The following PKN2 variants were observed in gnomAD, a reference collection of about 807,000 sequenced individuals.
The protein encoded by PKN2 is serine/threonine-protein kinase N2.
A neutral mutation model predicts 119.1 loss-of-function variants in PKN2; 38 were observed. The observed-to-expected ratio is 0.32, with a 90% CI of 0.25 to 0.42. The LOEUF (loss-of-function observed/expected upper bound fraction) is 0.42, where lower values mean the gene tolerates loss of function less well. PKN2 is among the 10% of genes least tolerant of loss of function. The probability of loss-of-function intolerance (pLI) is 1.00; values close to 1 mark genes in which losing one functional copy is unlikely to be tolerated. For synonymous variants in PKN2, 390 were observed against 384.9 expected, an observed-to-expected ratio of 1.01 and a Z score of -0.15; for missense variants, 850 against 1,165.1, an observed-to-expected ratio of 0.73 and a Z score of 3.94.
intron 6 of PKN2, among the ~76,000 whole-genome samples, chr1:88,780,310 A>G (rs1199818998): frequency 6.6e-6 from 1 of 152,204 alleles, no homozygotes; most frequent in Non-Finnish European, 1.5e-5. Context: ...TGTTTAATCA[A>G]CAAAACTATA....
At chr1:88,704,826 C>T (rs988169765) in intron 1 of PKN2, among the ~76,000 whole-genome samples, 1 of 149,622 alleles carries the variant, frequency 6.7e-6, no homozygotes, top group East Asian at 2.0e-4. Flanking sequence ...TACATTCTTA[C>T]CAATACTTGG....
chr1:88,809,143 C>CT (rs915837782), intron 15 of PKN2, among the ~76,000 whole-genome samples: 4 of 152,034 alleles, frequency 2.6e-5, no homozygotes, highest in African/African-American at 9.7e-5. Context: ...TTTTTCACCT[C>CT]TGTTTCTTTT....
At chr1:88,809,512 G>A (rs181498902) in intron 15 of PKN2, among the ~76,000 whole-genome samples, 8 of 152,236 alleles carry the variant, frequency 5.3e-5, no homozygotes, top group South Asian at 4.1e-4. Flanking sequence ...ACCTTGTTAC[G>A]TCTTTGTGCT....
At chr1:88,743,383 C>T (rs1378594771) in intron 2 of PKN2, among the ~76,000 whole-genome samples, 2 of 152,108 alleles carry the variant, frequency 1.3e-5, no homozygotes, top group Admixed American at 6.5e-5. Flanking sequence ...CCAACCCTGG[C>T]CATAGGAACC....
Position 88,684,612 on chromosome 1 carries a change from T to G in PKN2, c.32T>G (p.Leu11Arg). 1 of 1,565,020 alleles carries G rather than the reference T, an allele frequency of 6.4e-7. No homozygotes were observed. The highest frequency in any genetic ancestry group is 8.6e-7 in the Non-Finnish European group (1 of 1,156,118). MASNPERGEI[L>R]LTELQGDSRS... Reference sequence around the variant, plus strand: ...TCCAACCCCGAACGGGGGGAGATTCTGCTCACGGAACTGCAGGTAAGGGCC... The same window carrying G: ...TCCAACCCCGAACGGGGGGAGATTCGGCTCACGGAACTGCAGGTAAGGGCC... Residue 11 changes from leucine to arginine, a missense_variant, in exon 1 of 22, where the codon CTG becomes CGG. Coordinates refer to ENST00000370521, the MANE Select transcript of PKN2 (RefSeq NM_006256.4).
chr1:88,709,139 C>T (rs934831458), intron 1 of PKN2, among the ~76,000 whole-genome samples: 8 of 151,890 alleles, frequency 5.3e-5, no homozygotes, highest in Admixed American at 3.3e-4. Context: ...CTGCAACCTC[C>T]GCTTCCCGGG....
chr1:88,792,988 A>G (rs113379583), intron 8 of PKN2, among the ~76,000 whole-genome samples: 5 of 152,324 alleles, frequency 3.3e-5, no homozygotes, highest in African/African-American at 1.2e-4. Context: ...AATTTACTAG[A>G]GAGATGAACT....
intron 2 of PKN2, among the ~76,000 whole-genome samples, chr1:88,750,013 A>G (rs1260030052): frequency 6.6e-6 from 1 of 152,226 alleles, no homozygotes; most frequent in Non-Finnish European, 1.5e-5. Flanking sequence ...CAGCTGCACT[A>G]TTAAATGGTT....
At chr1:88,699,810 T>G (rs1005844269) in intron 1 of PKN2, among the ~76,000 whole-genome samples, 1 of 151,824 alleles carries the variant, frequency 6.6e-6, no homozygotes. Context: ...TGAGATGGAG[T>G]CTCGCTCTGT....
intron 1 of PKN2, among the ~76,000 whole-genome samples, chr1:88,685,779 T>G (rs761330473): frequency 2.0e-5 from 3 of 152,234 alleles, no homozygotes; most frequent in Non-Finnish European, 4.4e-5. Flanking sequence ...AAAAAAAGAC[T>G]AAATCAAGAA....
At chr1:88,735,731 TATTTGCTGC>T (rs1668322840) in intron 1 of PKN2, among the ~76,000 whole-genome samples, 1 of 152,004 alleles carries the variant, frequency 6.6e-6, no homozygotes, top group South Asian at 2.1e-4. Context: ...CCTTATATGT[TATTTGCTGC>T]TTTTGTTGCT....
intron 1 of PKN2, among the ~76,000 whole-genome samples, chr1:88,717,781 G>A (rs572265561): frequency 7.9e-5 from 12 of 152,072 alleles, no homozygotes; most frequent in African/African-American, 1.9e-4. Flanking sequence ...CCGATCTTCC[G>A]AAGCCTACTT....
intron 8 of PKN2, among the ~76,000 whole-genome samples, chr1:88,789,059 A>G (rs1174694620): frequency 6.6e-6 from 1 of 152,174 alleles, no homozygotes; most frequent in Non-Finnish European, 1.5e-5. Context: ...AGCTTAGAAC[A>G]ATTTTAGCAG....
At chr1:88,810,294 G>A (rs1264993120) in intron 15 of PKN2, among the ~76,000 whole-genome samples, 1 of 150,992 alleles carries the variant, frequency 6.6e-6, no homozygotes, top group African/African-American at 2.4e-5. Flanking sequence ...CTAATTTTTT[G>A]TATTTTTAGT....
chr1:88,705,760 C>G (rs917151704), intron 1 of PKN2, among the ~76,000 whole-genome samples: 1 of 151,924 alleles, frequency 6.6e-6, no homozygotes, highest in African/African-American at 2.4e-5. Context: ...GTCAGAAAAT[C>G]AGTTGTTCAT....
At chr1:88,713,394 C>T (rs755504713) in intron 1 of PKN2, among the ~76,000 whole-genome samples, 3 of 152,198 alleles carry the variant, frequency 2.0e-5, no homozygotes, top group Non-Finnish European at 4.4e-5. Flanking sequence ...CTCCCACCAA[C>T]AGTGTAAAAG....
At chr1:88,830,189 C>T (rs1672676615) in intron 19 of PKN2, among the ~76,000 whole-genome samples, 1 of 152,146 alleles carries the variant, frequency 6.6e-6, no homozygotes, top group South Asian at 2.1e-4. Flanking sequence ...GTCACTCTGG[C>T]TCCAGAGCAT....
At chr1:88,696,529 A>T (rs544434233) in intron 1 of PKN2, among the ~76,000 whole-genome samples, 5 of 152,170 alleles carry the variant, frequency 3.3e-5, no homozygotes, top group African/African-American at 1.2e-4. Context: ...TACATTAACT[A>T]CAAGTTCATT....
intron 16 of PKN2, among the ~76,000 whole-genome samples, chr1:88,820,222 ATATATATAT>A (rs1672207614): frequency 4.5e-5 from 5 of 111,404 alleles, no homozygotes; most frequent in African/African-American, 1.7e-4. Flanking sequence ...ATATATATAT[ATATATATAT>A]ATAAATAGAA....
Sources: gnomAD v4.1 joint callset for allele counts (sites outside exome capture counted in the v4.1 genomes callset) on GRCh38, gnomAD v4.1.1 for gene constraint, MANE v1.5 for transcripts, NCBI Gene and HGNC (gene_info 2026-07-23, HGNC 2026-07-21) for gene names.